FGF14: variants seen among roughly 807,000 people sequenced by gnomAD.
FGF14 encodes fibroblast growth factor homologous factor 4.
Under a neutral mutation model 25.5 loss-of-function variants are expected in FGF14, and 5 were observed. That is an observed-to-expected ratio of 0.20 (90% CI 0.10 to 0.41). The LOEUF (loss-of-function observed/expected upper bound fraction) is 0.41, where lower values mean the gene tolerates loss of function less well. Ranked by LOEUF, FGF14 falls within the 10% of genes least tolerant of loss-of-function variation. FGF14 has a pLI of 1.00. For missense variants in FGF14, 222 were observed against 320.1 expected, an observed-to-expected ratio of 0.69 and a Z score of 2.34; for synonymous variants, 138 against 118.3, an observed-to-expected ratio of 1.17 and a Z score of -1.08.
At chr13:101,805,683 A>G in intron 3 of FGF14, among the ~76,000 whole-genome samples, 1 of 152,198 alleles carries the variant, frequency 6.6e-6, no homozygotes, top group South Asian at 2.1e-4. Flanking sequence ...GACTAACATT[A>G]TCAAAATTGC....
intron 1 of FGF14, among the ~76,000 whole-genome samples, chr13:101,975,560 G>T (rs1418348961): frequency 6.6e-6 from 1 of 152,146 alleles, no homozygotes. Flanking sequence ...CTTAAACACA[G>T]GGCTGTGTCT....
chr13:102,230,350 C>G (rs1319449778), intron 1 of FGF14, among the ~76,000 whole-genome samples: 1 of 152,140 alleles, frequency 6.6e-6, no homozygotes, highest in Non-Finnish European at 1.5e-5. Context: ...AGACAGATAC[C>G]AAAGTTAAGA....
At chr13:102,375,872 T>G (rs1314460912) in intron 1 of FGF14, among the ~76,000 whole-genome samples, 1 of 152,192 alleles carries the variant, frequency 6.6e-6, no homozygotes, top group East Asian at 1.9e-4. Flanking sequence ...AAGAATAGGA[T>G]GTACTAATAT....
At chr13:102,253,288 A>C (rs2052280245) in intron 1 of FGF14, among the ~76,000 whole-genome samples, 1 of 152,136 alleles carries the variant, frequency 6.6e-6, no homozygotes, top group Non-Finnish European at 1.5e-5. Flanking sequence ...TCCCACCAAC[A>C]CTGTAAAAGT....
At chr13:101,851,339 G>A (rs2043836715) in intron 3 of FGF14, among the ~76,000 whole-genome samples, 1 of 151,874 alleles carries the variant, frequency 6.6e-6, no homozygotes, top group African/African-American at 2.4e-5. Context: ...GAGAAGTATG[G>A]GTCAGATTTC....
intron 1 of FGF14, among the ~76,000 whole-genome samples, chr13:102,028,590 C>T (rs1223910833): frequency 6.6e-6 from 1 of 152,030 alleles, no homozygotes; most frequent in Non-Finnish European, 1.5e-5. Context: ...GCTTACACTT[C>T]TATAGACATT....
At chr13:101,992,915 G>GT (rs1223959805) in intron 1 of FGF14, among the ~76,000 whole-genome samples, 1 of 151,952 alleles carries the variant, frequency 6.6e-6, no homozygotes, top group Non-Finnish European at 1.5e-5. Flanking sequence ...AATATTTGAA[G>GT]TAACACTGGC....
intron 3 of FGF14, among the ~76,000 whole-genome samples, chr13:101,772,971 T>C (rs2038873593): frequency 6.6e-6 from 1 of 152,132 alleles, no homozygotes. Context: ...AATATATAGA[T>C]AGCAAATGGA....
intron 1 of FGF14, among the ~76,000 whole-genome samples, chr13:102,330,770 C>T (rs1040094700): frequency 1.3e-5 from 2 of 152,150 alleles, no homozygotes; most frequent in African/African-American, 4.8e-5. Flanking sequence ...GCCTCATTGT[C>T]CTCTAAAGCT....
intron 1 of FGF14, among the ~76,000 whole-genome samples, chr13:102,207,037 T>C (rs2049957354): frequency 6.6e-6 from 1 of 152,072 alleles, no homozygotes; most frequent in South Asian, 2.1e-4. Context: ...ATCCCAACAC[T>C]TTGGGAGGCT....
intron 3 of FGF14, among the ~76,000 whole-genome samples, chr13:101,814,389 GTGA>G (rs2041727587): frequency 6.6e-6 from 1 of 152,212 alleles, no homozygotes; most frequent in East Asian, 1.9e-4. Context: ...AAGCAGTTAT[GTGA>G]CCTTAAAAAT....
Position 102,386,329 on chromosome 13 carries a change from G to A in FGF14, c.208+15142C>T, listed in dbSNP as rs555248664. Among the ~76,000 whole-genome samples, 9 of 151,956 alleles carry A rather than the reference G, an allele frequency of 5.9e-5. No homozygotes were observed. In the South Asian group the frequency reaches 1.9e-3, roughly 32 times the overall value. ...TATATCTTTAGTAGAGATGGGGTTTGCCATGTCTGCCAGGCTGGTCTCGAA... is the reference window on the plus strand; with the variant it reads ...TATATCTTTAGTAGAGATGGGGTTTACCATGTCTGCCAGGCTGGTCTCGAA... On this transcript the variant is annotated intron_variant, in intron 1 of 4. Coordinates refer to the FGF14 transcript ENST00000376131.
intron 1 of FGF14, among the ~76,000 whole-genome samples, chr13:102,138,177 T>A (rs1233484891): frequency 1.5e-5 from 2 of 135,296 alleles, no homozygotes; most frequent in Non-Finnish European, 3.2e-5. Flanking sequence ...AAGGATGTGA[T>A]CTAACTTATG....
intron 1 of FGF14, among the ~76,000 whole-genome samples, chr13:102,221,683 C>T (rs995827407): frequency 2.0e-5 from 3 of 151,904 alleles, no homozygotes; most frequent in Non-Finnish European, 4.4e-5. Context: ...GCTCTTTGAA[C>T]TAACAGATAA....
chr13:101,723,049 C>A (rs2035102800), intron 4 of FGF14, 82 bp from the exon 5 acceptor site: 8 of 1,539,722 alleles, frequency 5.2e-6, no homozygotes, highest in Non-Finnish European at 7.2e-6. Context: ...CTGCATAGAC[C>A]ACTGCAGTTT....
intron 1 of FGF14, among the ~76,000 whole-genome samples, chr13:102,012,784 C>T (rs59241355): frequency 0.023 from 3,436 of 152,252 alleles, 121 homozygotes; most frequent in African/African-American, 0.076. Flanking sequence ...GGCACTGCCT[C>T]ACTTTCTATT....
chr13:102,110,203 T>C (rs2045148162), intron 1 of FGF14, among the ~76,000 whole-genome samples: 1 of 152,194 alleles, frequency 6.6e-6, no homozygotes, highest in African/African-American at 2.4e-5. Flanking sequence ...ATGAGATTTG[T>C]TATAAAAAAT....
At chr13:102,052,534 G>C (rs116505889) in intron 1 of FGF14, among the ~76,000 whole-genome samples, 5 of 149,892 alleles carry the variant, frequency 3.3e-5, no homozygotes, top group Non-Finnish European at 7.4e-5. Flanking sequence ...AGTAACAAGA[G>C]AAAAAAAAGC....
In FGF14 at chr13:101,714,531, A is replaced by G; in HGVS notation, c.*8300T>C. 1.2e-6 allele frequency: 2 copies of G among 1,603,072 alleles called. No individual in the cohort carries two copies. The highest frequency in any genetic ancestry group is 8.5e-7 in the Non-Finnish European group (1 of 1,169,982). Reference sequence around the variant, plus strand: ...TGTGATGACAGAGACTGCGACAAACATGATGGTCTCATTTGTACAGGTGCA... The same window carrying G: ...TGTGATGACAGAGACTGCGACAAACGTGATGGTCTCATTTGTACAGGTGCA... On this transcript the variant is annotated 3_prime_UTR_variant, in exon 5 of 5. Coordinates refer to ENST00000376143, the MANE Select transcript of FGF14 (RefSeq NM_004115.4).
Sources: allele counts gnomAD v4.1 joint callset (sites outside exome capture counted in the v4.1 genomes callset), GRCh38; gene constraint gnomAD v4.1.1; transcripts MANE v1.5; gene names NCBI Gene and HGNC (gene_info 2026-07-23, HGNC 2026-07-21).